The following LINGO1 variants were observed in gnomAD, a reference collection of about 807,000 sequenced individuals.
LINGO1 encodes the protein leucine-rich repeat and immunoglobulin-like domain-containing nogo receptor-interacting protein 1.
In LINGO1, 11 loss-of-function variants were observed where a neutral mutation model predicts 37.3. That is an observed-to-expected ratio of 0.29 (90% CI 0.19 to 0.49). The LOEUF is 0.49. Ranked by LOEUF, LINGO1 falls within the 20% of genes least tolerant of loss-of-function variation. LINGO1 has a pLI of 0.99. For synonymous variants in LINGO1, 387 were observed against 403.0 expected (o/e 0.96, Z 0.48); for missense variants, 585 against 878.2 (o/e 0.67, Z 4.22).
intron 1 of LINGO1, among the ~76,000 whole-genome samples, chr15:77,623,180 G>C (rs536621525): frequency 6.6e-6 from 1 of 152,350 alleles, no homozygotes; most frequent in South Asian, 2.1e-4. Context: ...TTGTGGTGAG[G>C]GGGAGGTGCT....
At chr15:77,765,424 A>C (rs1403236000) in intron 1 of LINGO1, among the ~76,000 whole-genome samples, 1 of 152,024 alleles carries the variant, frequency 6.6e-6, no homozygotes, top group Admixed American at 6.5e-5. Context: ...CAAAAAAAAA[A>C]AAAAACCAGA....
chr15:77,621,510 T>C (rs1410999321), intron 1 of LINGO1, among the ~76,000 whole-genome samples: 1 of 152,170 alleles, frequency 6.6e-6, no homozygotes, highest in African/African-American at 2.4e-5. Flanking sequence ...TGTCTCCTAG[T>C]TGGGCTGCCT....
At chr15:77,750,457 T>C (rs1288835650) in intron 1 of LINGO1, among the ~76,000 whole-genome samples, 3 of 152,164 alleles carry the variant, frequency 2.0e-5, no homozygotes, top group Non-Finnish European at 4.4e-5. Flanking sequence ...AGTCCCCAGC[T>C]CCACATGGAG....
At chr15:77,735,590 T>G (rs2076196228) in intron 1 of LINGO1, among the ~76,000 whole-genome samples, 1 of 152,194 alleles carries the variant, frequency 6.6e-6, no homozygotes, top group African/African-American at 2.4e-5. Flanking sequence ...TAACTGTGCC[T>G]CCCATCAGTA....
chr15:77,757,493 G>T (rs1436416496), intron 1 of LINGO1, among the ~76,000 whole-genome samples: 1 of 152,244 alleles, frequency 6.6e-6, no homozygotes, highest in African/African-American at 2.4e-5. Context: ...TCCTGCCTCA[G>T]TTCCTTCATT....
intron 1 of LINGO1, chr15:77,819,141 C>G (rs1194611022): frequency 6.7e-6 from 1 of 150,324 alleles, no homozygotes; most frequent in Admixed American, 6.6e-5. Context: ...ACCCCCGCCG[C>G]TGCCCCCGAG....
chr15:77,615,837 G>T lies in LINGO1; in HGVS notation c.70C>A (p.Gln24Lys). ...CCCAGCACCAGCAGGAGGATGGGCT[G>T]CCAGCAGGCCAGGAGGGGGCTGGGC... ...SMPSPLLACW[Q>K]PILLLVLGSV... The change falls in exon 2 of 2, where the codon CAG (glutamine) becomes AAG (lysine). Residue 24 changes from glutamine (Q) to lysine (K), a missense_variant. Transcript: ENST00000355300. 6.6e-7 allele frequency: 1 copy of T among 1,510,358 alleles called. No individual in the cohort carries two copies. 93.6% of individuals were successfully genotyped at this position (1,510,358 alleles called of 1,614,324 possible).
chr15:77,661,331 CAG>C (rs934822765), intron 3 of LINGO1, among the ~76,000 whole-genome samples: 4 of 152,216 alleles, frequency 2.6e-5, no homozygotes, highest in African/African-American at 9.6e-5. Flanking sequence ...TGGGAACAAA[CAG>C]GGAAGGCTGG....
At chr15:77,749,242 G>T (rs190285347) in intron 1 of LINGO1, among the ~76,000 whole-genome samples, 173 of 152,134 alleles carry the variant, frequency 1.1e-3, no homozygotes, top group African/African-American at 4.0e-3. Context: ...CCTAGAGAGA[G>T]GTCTGAGCCC....
At chr15:77,788,935 C>T (rs192258543), upstream of LINGO1, among the ~76,000 whole-genome samples, 102 of 152,298 alleles carry the variant, frequency 6.7e-4, 1 homozygote, top group Admixed American at 2.5e-3. Context: ...GTTCCTGGGC[C>T]CCGATTAACA....
intron 1 of LINGO1, among the ~76,000 whole-genome samples, chr15:77,626,953 C>T (rs536266395): frequency 3.8e-5 from 5 of 132,436 alleles, no homozygotes; most frequent in Admixed American, 2.2e-4. Context: ...GGCCAGTCCC[C>T]GCCCCCCCAA....
chr15:77,740,644 C>T (rs1431486449), intron 1 of LINGO1, among the ~76,000 whole-genome samples: 2 of 152,126 alleles, frequency 1.3e-5, no homozygotes, highest in Non-Finnish European at 2.9e-5. Context: ...GTTTTGACTC[C>T]AATCAGCGAG....
At chr15:77,738,862 C>A (rs12324636) in intron 1 of LINGO1, among the ~76,000 whole-genome samples, 3 of 152,098 alleles carry the variant, frequency 2.0e-5, no homozygotes, top group Non-Finnish European at 4.4e-5. Context: ...GACTCCGAAG[C>A]CTGTGTTCTT....
At chr15:77,724,609 G>A (rs1163842282) in intron 2 of LINGO1, among the ~76,000 whole-genome samples, 2 of 152,228 alleles carry the variant, frequency 1.3e-5, no homozygotes, top group African/African-American at 4.8e-5. Flanking sequence ...TTCCTCATCT[G>A]TGAAGTGGAG....
At chr15:77,693,282 A>C (rs1452009928) in intron 1 of LINGO1, among the ~76,000 whole-genome samples, 1 of 152,230 alleles carries the variant, frequency 6.6e-6, no homozygotes, top group African/African-American at 2.4e-5. Context: ...TACTCTCATG[A>C]GGACAGGGGA....
At chr15:77,646,389 A>AGTCCTGCCTCCCAG (rs72546313) in intron 3 of LINGO1, 34,729 of 448,746 alleles carry the variant, frequency 0.077, 2,200 homozygotes, top group African/African-American at 0.23. Context: ...TCCCCACAGG[A>AGTCCTGCCTCCCAG]CACCCCTCTG....
intron 1 of LINGO1, among the ~76,000 whole-genome samples, chr15:77,618,097 G>A (rs888753990): frequency 6.6e-6 from 1 of 152,218 alleles, no homozygotes; most frequent in Non-Finnish European, 1.5e-5. Flanking sequence ...TGGGGCTGGC[G>A]CGGGTGTGAG....
chr15:77,621,195 T>C (rs1447846943), intron 1 of LINGO1, among the ~76,000 whole-genome samples: 1 of 152,070 alleles, frequency 6.6e-6, no homozygotes, highest in African/African-American at 2.4e-5. Context: ...GCTGCGATTA[T>C]AGGTGTCCAC....
chr15:77,744,975 G>T lies in LINGO1; in HGVS notation c.-256-9922C>A, dbSNP rs533332372. On this transcript the variant is annotated intron_variant, in intron 1 of 3. Transcript: ENST00000561686. ...TACTTTAAAAAAAAAAAAAATAGCC[G>T]GGCATGGTGGTACACACTTGTAATC... Among the ~76,000 whole-genome samples, 7 of 151,240 alleles carry T rather than the reference G, an allele frequency of 4.6e-5. No homozygotes were observed. In the East Asian group the frequency reaches 1.4e-3, roughly 29 times the overall value.
Sources: gnomAD v4.1 joint callset for allele counts (sites outside exome capture counted in the v4.1 genomes callset) on GRCh38, gnomAD v4.1.1 for gene constraint, MANE v1.5 for transcripts, NCBI Gene and HGNC (gene_info 2026-07-23, HGNC 2026-07-21) for gene names.